The following CPQ variants were observed in gnomAD, a reference collection of about 807,000 sequenced individuals.
CPQ encodes the protein carboxypeptidase Q.
In CPQ, 37 loss-of-function variants were observed where a neutral mutation model predicts 45.7. The ratio of observed to expected loss-of-function variants is 0.81; its 90% CI spans 0.62 to 1.07. The LOEUF (loss-of-function observed/expected upper bound fraction) is 1.07. CPQ is among the 50% of genes least tolerant of loss of function. The pLI, the probability that CPQ is intolerant of heterozygous loss-of-function variation, is 0.00. For missense variants in CPQ, 537 were observed against 572.9 expected (o/e 0.94, Z 0.64); for synonymous variants, 186 against 205.8 (o/e 0.90, Z 0.82).
intron 1 of CPQ, among the ~76,000 whole-genome samples, chr8:96,690,046 C>A (rs1809285613): frequency 6.6e-6 from 1 of 152,152 alleles, no homozygotes. Flanking sequence ...CCAGTCCAAT[C>A]ATCATCTCCT....
intron 4 of CPQ, among the ~76,000 whole-genome samples, chr8:96,939,674 T>C (rs1046009993): frequency 2.0e-5 from 3 of 152,146 alleles, no homozygotes; most frequent in African/African-American, 7.2e-5. Context: ...CTTATAACAC[T>C]CCATTGTGTG....
chr8:96,766,206 G>A (rs1186002878), intron 1 of CPQ, among the ~76,000 whole-genome samples: 4 of 152,174 alleles, frequency 2.6e-5, no homozygotes, highest in Non-Finnish European at 5.9e-5. Flanking sequence ...TGCTTGCTAG[G>A]GGAAAGATCA....
At chr8:96,817,162 C>T (rs62507349) in intron 2 of CPQ, among the ~76,000 whole-genome samples, 91,289 of 151,940 alleles carry the variant, frequency 0.6, 28,157 homozygotes, top group East Asian at 0.88. Flanking sequence ...TGTTGTTCAG[C>T]GTAGTGACAT....
chr8:96,743,068 T>C lies in CPQ; in HGVS notation c.-34-41796T>C, dbSNP rs550594542. Among the ~76,000 whole-genome samples the C allele has an allele frequency of 2.9e-3, 435 of 152,258 alleles. 3 individuals are homozygous for C. Among genetic ancestry groups the C allele is most frequent in the African/African-American group, 1.0e-2 (415 of 41,556 alleles). ...TTCTCCTGGATAATATCCTGCAGAGTGTTTTCCAACTTGGTTCCATTCTCC... is the reference window on the plus strand; with the variant it reads ...TTCTCCTGGATAATATCCTGCAGAGCGTTTTCCAACTTGGTTCCATTCTCC... On this transcript the variant is annotated intron_variant, in intron 1 of 7. Transcript: ENST00000220763.
intron 4 of CPQ, among the ~76,000 whole-genome samples, chr8:96,900,990 T>G (rs755439245): frequency 2.6e-5 from 4 of 152,144 alleles, no homozygotes; most frequent in Non-Finnish European, 5.9e-5. Flanking sequence ...GGGCTGAGCT[T>G]CTTCTCCATC....
chr8:96,978,912 G>T (rs1272413410), intron 5 of CPQ, among the ~76,000 whole-genome samples: 1 of 152,116 alleles, frequency 6.6e-6, no homozygotes. Flanking sequence ...TCAATAAGAA[G>T]CTTTGACTGC....
intron 4 of CPQ, among the ~76,000 whole-genome samples, chr8:96,897,897 C>T (rs1457294013): frequency 6.6e-6 from 1 of 152,062 alleles, no homozygotes; most frequent in Non-Finnish European, 1.5e-5. Context: ...AATTTGCATA[C>T]CATGCCGAAG....
At chr8:97,079,979 G>C (rs1195050769) in intron 7 of CPQ, among the ~76,000 whole-genome samples, 2 of 152,132 alleles carry the variant, frequency 1.3e-5, no homozygotes, top group African/African-American at 4.8e-5. Context: ...TTGAAGGTTT[G>C]AGCAGGAGTG....
intron 7 of CPQ, among the ~76,000 whole-genome samples, chr8:97,112,412 G>C (rs1811513237): frequency 6.6e-6 from 1 of 152,142 alleles, no homozygotes; most frequent in African/African-American, 2.4e-5. Flanking sequence ...AAGCTGATGA[G>C]AGTTACCCAG....
intron 1 of CPQ, among the ~76,000 whole-genome samples, chr8:96,656,848 A>C (rs1815644221): frequency 6.6e-6 from 1 of 152,048 alleles, no homozygotes; most frequent in African/African-American, 2.4e-5. Context: ...CCATCACCAA[A>C]ATTTGCACAC....
chr8:96,937,549 G>A (rs1444391226), intron 4 of CPQ, among the ~76,000 whole-genome samples: 1 of 152,162 alleles, frequency 6.6e-6, no homozygotes, highest in Non-Finnish European at 1.5e-5. Context: ...CCAGACCTTA[G>A]ACCTTAGGAG....
chr8:97,086,753 C>G (rs994622155), intron 7 of CPQ, among the ~76,000 whole-genome samples: 1 of 152,130 alleles, frequency 6.6e-6, no homozygotes, highest in Non-Finnish European at 1.5e-5. Context: ...TATCTCAAAA[C>G]TCACATTGTC....
intron 7 of CPQ, among the ~76,000 whole-genome samples, chr8:97,110,061 G>A (rs1811475045): frequency 6.6e-6 from 1 of 151,930 alleles, no homozygotes; most frequent in Non-Finnish European, 1.5e-5. Flanking sequence ...ATGTAACCTG[G>A]GTGACCACCA....
At chr8:96,803,191 G>C (rs1811030589) in intron 2 of CPQ, among the ~76,000 whole-genome samples, 1 of 152,204 alleles carries the variant, frequency 6.6e-6, no homozygotes, top group Non-Finnish European at 1.5e-5. Flanking sequence ...GGACAAGATT[G>C]ATGTCCCAGT....
rs561462678 is a variant in CPQ, at chr8:96,859,665, T to A, written c.642-20133T>A. Reference sequence around the variant, plus strand: ...ATGTGATTTTTATAATTTATTTAACTTTTCTAGTTGTTTTTAGTGGGCATG... The same window carrying A: ...ATGTGATTTTTATAATTTATTTAACATTTCTAGTTGTTTTTAGTGGGCATG... On this transcript the variant is annotated intron_variant, in intron 3 of 7. Transcript: ENST00000220763. 2.0e-5 allele frequency among the ~76,000 whole-genome samples: 3 copies of A among 152,304 alleles called. No individual in the cohort carries two copies. In the East Asian group the frequency reaches 5.8e-4, roughly 29 times the overall value.
At chr8:97,066,249 C>T in intron 7 of CPQ, 39 bp downstream of exon 7, 1 of 1,559,644 alleles carries the variant, frequency 6.4e-7, no homozygotes, top group African/African-American at 1.4e-5. Flanking sequence ...TTATATATTG[C>T]CAACAATTTA....
At chr8:97,010,698 C>G (rs994602755) in intron 5 of CPQ, among the ~76,000 whole-genome samples, 7 of 152,130 alleles carry the variant, frequency 4.6e-5, no homozygotes, top group African/African-American at 1.7e-4. Flanking sequence ...CCCTCCAGAT[C>G]TATTCCTAAA....
At chr8:97,132,154 C>T (rs1424840147) in intron 7 of CPQ, among the ~76,000 whole-genome samples, 1 of 152,122 alleles carries the variant, frequency 6.6e-6, no homozygotes, top group Non-Finnish European at 1.5e-5. Context: ...CTTAAGTGCT[C>T]TATGATAAAA....
chr8:96,659,807 C>T (rs1345242954), intron 1 of CPQ, among the ~76,000 whole-genome samples: 3 of 152,148 alleles, frequency 2.0e-5, no homozygotes, highest in South Asian at 2.1e-4. Flanking sequence ...ATTAGTAAGT[C>T]GCCAAGGGCT....
Sources: allele counts gnomAD v4.1 joint callset (sites outside exome capture counted in the v4.1 genomes callset), GRCh38; gene constraint gnomAD v4.1.1; transcripts MANE v1.5; gene names NCBI Gene and HGNC (gene_info 2026-07-23, HGNC 2026-07-21).